Variants in DCN observed in about 807,000 individuals in gnomAD.
DCN encodes decorin, also known as bone proteoglycan II.
DCN carries 17 observed loss-of-function variants against 36.5 expected under a neutral mutation model. The ratio of observed to expected loss-of-function variants is 0.47; its 90% confidence interval spans 0.32 to 0.70. The LOEUF is 0.70. DCN is among the 30% of genes least tolerant of loss of function. The pLI, the probability that DCN is intolerant of heterozygous loss-of-function variation, is 0.04. For missense variants in DCN, 389 were observed against 430.1 expected (o/e 0.90, Z 0.84); for synonymous variants, 163 against 161.4 (o/e 1.01, Z -0.07).
intron 1 of DCN, among the ~76,000 whole-genome samples, chr12:91,180,026 A>C (rs1883503297): frequency 6.7e-6 from 1 of 150,300 alleles, no homozygotes; most frequent in Non-Finnish European, 1.5e-5. Flanking sequence ...GAGTGACAAA[A>C]TCGTAATAAA....
In DCN at chr12:91,143,078, A is replaced by C. The variant is rs1463004119; in HGVS notation, c.*2980T>G. On this transcript the variant is annotated 3_prime_UTR_variant, in exon 8 of 8. Transcript: ENST00000052754. ...AAGAGAAAAGACACAAACACATGAG[A>C]GAGAAGGCCATGTGAGGGTGAAGAT... 6.6e-6 allele frequency: 1 copy of C among 152,190 alleles called. No homozygotes were observed. Among genetic ancestry groups the C allele is most frequent in the Non-Finnish European group, 1.5e-5 (1 of 68,060 alleles). 9.4% of individuals were successfully genotyped at this position (152,190 alleles called of 1,614,324 possible).
intron 3 of DCN, among the ~76,000 whole-genome samples, chr12:91,159,937 C>T (rs1484990626): frequency 6.6e-6 from 1 of 151,920 alleles, no homozygotes; most frequent in African/African-American, 2.4e-5. Context: ...AATAGGAAAG[C>T]GAGTATTTTT....
At position 91,144,441 on chromosome 12, in the gene DCN, T is replaced by C. The variant is rs1207557982; in HGVS notation, c.*1617A>G. 3 of 152,086 alleles carry C rather than the reference T, an allele frequency of 2.0e-5. No individual in the cohort carries two copies. The highest frequency in any genetic ancestry group is 2.9e-5 in the Non-Finnish European group (2 of 68,008). The allele number at this position is 152,086 out of a possible 1,614,324, so 9.4% of individuals were successfully genotyped here. ...ACTGTAGTCATGAGAGGAGGATCTC[T>C]TGGGAGATGAAAAAGAGAAGAAAAA... On this transcript the variant is annotated 3_prime_UTR_variant, in exon 8 of 8. Transcript: ENST00000052754.
At chr12:91,167,398 T>TAA (rs143269154) in intron 2 of DCN, among the ~76,000 whole-genome samples, 56 of 142,866 alleles carry the variant, frequency 3.9e-4, no homozygotes, top group Admixed American at 8.4e-4. Context: ...CATATCAAAA[T>TAA]AAAAAAAAAA....
Position 91,146,197 on chromosome 12 carries a change from G to A in DCN, c.941C>T (p.Pro314Leu). 2 of 1,613,244 alleles carry A rather than the reference G, an allele frequency of 1.2e-6. No homozygotes were observed. Among genetic ancestry groups the A allele is most frequent in the East Asian group, 2.2e-5 (1 of 44,856 alleles). Residue 314 changes from proline (P) to leucine (L), a missense_variant, in exon 8 of 8, where the codon CCA becomes CTA. Physicochemically the swap from Pro to Leu is moderately conservative, Grantham distance 98. Coordinates refer to ENST00000052754, the MANE Select transcript of DCN (RefSeq NM_001920.5). ...ISVVGSSDFC[P>L]PGHNTKKASY... ...AGCCTTTTTGGTGTTGTGTCCAGGT[G>A]GGCAGAAGTCACTTGATCCAACTAC...
intron 5 of DCN, among the ~76,000 whole-genome samples, chr12:91,155,284 A>G (rs1881688280): frequency 1.3e-5 from 2 of 152,154 alleles, no homozygotes; most frequent in African/African-American, 4.8e-5. Flanking sequence ...TTATAACCCT[A>G]CTATATAGGG....
At position 91,142,820 on chromosome 12, in the gene DCN, A is replaced by T. The variant is rs973400184; in HGVS notation, c.*3238T>A. On this transcript the variant is annotated 3_prime_UTR_variant, in exon 8 of 8. Transcript: ENST00000052754. ...TTATGTGAAGCACCCATAATCGAAC[A>T]ACAGTTTTAATGAAAACAAAAAAAT... 6.6e-6 allele frequency: 1 copy of T among 152,196 alleles called. No homozygotes were observed. Among genetic ancestry groups the T allele is most frequent in the Non-Finnish European group, 1.5e-5 (1 of 68,014 alleles). The allele number at this position is 152,196 out of a possible 1,614,324, so 9.4% of individuals were successfully genotyped here. A position where few individuals can be genotyped will look rare whatever the true frequency, so the allele number is the denominator to read the frequency against.
At chr12:91,161,744 G>GA (rs1882167046) in intron 3 of DCN, among the ~76,000 whole-genome samples, 2 of 152,176 alleles carry the variant, frequency 1.3e-5, no homozygotes, top group African/African-American at 4.8e-5. Context: ...TTCTTGTACA[G>GA]AAAGTCCTTC....
intron 1 of DCN, chr12:91,182,444 AAG>A (rs1223104829): frequency 2.0e-5 from 3 of 152,150 alleles, no homozygotes; most frequent in African/African-American, 4.8e-5. Context: ...ACAGAAGAGA[AAG>A]AAATAAAACA....
At chr12:91,150,505 A>G (rs1330235919) in intron 7 of DCN, among the ~76,000 whole-genome samples, 2 of 152,200 alleles carry the variant, frequency 1.3e-5, no homozygotes, top group Non-Finnish European at 2.9e-5. Context: ...CAAAAATGAT[A>G]AAATAGATTA....
intron 2 of DCN, chr12:91,175,688 T>C (rs1340533895): frequency 6.6e-6 from 1 of 152,144 alleles, no homozygotes; most frequent in Non-Finnish European, 1.5e-5. Flanking sequence ...CCACCAAGGA[T>C]AATCCTGAAG....
chr12:91,173,297 G>A (rs1041823972), intron 2 of DCN, among the ~76,000 whole-genome samples: 1 of 152,114 alleles, frequency 6.6e-6, no homozygotes, highest in Non-Finnish European at 1.5e-5. Flanking sequence ...AATCACAGCT[G>A]CAATCTCACA....
Position 91,153,088 on chromosome 12 carries a change from A to G in DCN, c.746+8T>C. The G allele has an allele frequency of 6.8e-7, 1 of 1,478,148 alleles. No individual in the cohort carries two copies. Among genetic ancestry groups the G allele is most frequent in the Non-Finnish European group, 9.5e-7 (1 of 1,056,198 alleles). 91.6% of individuals were successfully genotyped at this position (1,478,148 alleles called of 1,614,324 possible). A position where few individuals can be genotyped will look rare whatever the true frequency, so the allele number is the denominator to read the frequency against. ...TTCTGATAGAATGTCATGAAAGAAT[A>G]TTATTACTTAGCCAAATTATTCAGT... On this transcript the variant is annotated splice_region_variant and intron_variant, in intron 6 of 7. Transcript: ENST00000052754.
intron 2 of DCN, among the ~76,000 whole-genome samples, chr12:91,165,501 T>C (rs1176545299): frequency 6.6e-6 from 1 of 152,148 alleles, no homozygotes; most frequent in Non-Finnish European, 1.5e-5. Context: ...AATATTTTAG[T>C]AGTCATTCAG....
At chr12:91,151,521 T>C (rs887457308) in intron 7 of DCN, 133 bp downstream of exon 7, 1 of 913,802 alleles carries the variant, frequency 1.1e-6, no homozygotes, top group Non-Finnish European at 1.7e-6. Flanking sequence ...TGGTATTTTG[T>C]CATAGAAATT....
intron 3 of DCN, among the ~76,000 whole-genome samples, chr12:91,161,692 T>G (rs1314445408): frequency 2.6e-5 from 4 of 152,194 alleles, no homozygotes; most frequent in African/African-American, 9.7e-5. Context: ...CCAACTCGTA[T>G]TTTTATTTGT....
At chr12:91,176,356 T>G (rs1883285091) in intron 2 of DCN, 1 of 152,142 alleles carries the variant, frequency 6.6e-6, no homozygotes, top group Admixed American at 6.6e-5. Flanking sequence ...AAAGGAATGA[T>G]GTACACTTTG....
intron 2 of DCN, chr12:91,176,391 T>A (rs1360111777): frequency 6.6e-6 from 1 of 152,088 alleles, no homozygotes. Flanking sequence ...AGATAACATG[T>A]AGAAAACTTT....
At chr12:91,155,549 T>G (rs1250435664) in intron 5 of DCN, among the ~76,000 whole-genome samples, 1 of 152,100 alleles carries the variant, frequency 6.6e-6, no homozygotes, top group Non-Finnish European at 1.5e-5. Flanking sequence ...GACAGCAAAG[T>G]CTGAGATTGT....
Sources: gnomAD v4.1 joint callset for allele counts (sites outside exome capture counted in the v4.1 genomes callset) on GRCh38, gnomAD v4.1.1 for gene constraint, MANE v1.5 for transcripts, NCBI Gene and HGNC (gene_info 2026-07-23, HGNC 2026-07-21) for gene names.